MAST3: variants seen among roughly 807,000 people sequenced by gnomAD.
MAST3 encodes microtubule associated serine/threonine kinase 3.
A neutral mutation model predicts 127.0 loss-of-function variants in MAST3; 43 were observed. That is an observed-to-expected ratio of 0.34 (90% CI 0.27 to 0.44). The LOEUF (loss-of-function observed/expected upper bound fraction) is 0.44. Ranked by LOEUF, MAST3 falls within the 20% of genes least tolerant of loss-of-function variation. The pLI is 1.00. For synonymous variants in MAST3, 785 were observed against 809.2 expected (o/e 0.97, Z 0.51); for missense variants, 1,390 against 1,919.1 (o/e 0.72, Z 5.15).
Position 18,124,286 on chromosome 19 carries a change from G to A in MAST3, c.865G>A (p.Glu289Lys), listed in dbSNP as rs745753056. ...CCAGGCCCATGAGCGTTCGGACAGT[G>A]AGGAGGTCAGCTTCATCGTCCAGCT... Reference protein sequence around the residue: ...LQDAHERSDSEEVSFIVQLVR... With the variant: ...LQDAHERSDSKEVSFIVQLVR... Residue 289 changes from glutamate to lysine, a missense_variant, in exon 10 of 28, where the codon GAG becomes AAG. Coordinates refer to ENST00000687212, the MANE Select transcript of MAST3 (RefSeq NM_001393504.1). 6.2e-7 allele frequency: 1 copy of A among 1,608,790 alleles called. No individual in the cohort carries two copies. Among genetic ancestry groups the A allele is most frequent in the Non-Finnish European group, 8.5e-7 (1 of 1,177,472 alleles).
chr19:18,138,998 G>A lies in MAST3; in HGVS notation c.2096-17G>A, dbSNP rs184681009. The A allele has an allele frequency of 1.9e-5, 29 of 1,545,372 alleles. No individual in the cohort carries two copies. In the Admixed American group the frequency reaches 5.2e-4, roughly 28 times the overall value. On this transcript the variant is annotated splice_polypyrimidine_tract_variant and intron_variant, in intron 19 of 27. Coordinates refer to ENST00000687212, the MANE Select transcript of MAST3 (RefSeq NM_001393504.1). Reference sequence around the variant, plus strand: ...TCTGGGCATCAGGCGTGCTGCATGTGCCTCTCCCTCCCACAGCACGTTCGG... The same window carrying A: ...TCTGGGCATCAGGCGTGCTGCATGTACCTCTCCCTCCCACAGCACGTTCGG...
At chr19:18,103,785 G>A (rs191934213) in intron 1 of MAST3, among the ~76,000 whole-genome samples, 3 of 152,136 alleles carry the variant, frequency 2.0e-5, no homozygotes, top group Non-Finnish European at 4.4e-5. Context: ...GTGCAGGAGT[G>A]GGGGAGCCAG....
At position 18,132,051 on chromosome 19, in the gene MAST3, A is replaced by G. The variant is rs2041354384; in HGVS notation, c.1571+4A>G. 6.2e-7 allele frequency: 1 copy of G among 1,613,930 alleles called. No homozygotes were observed. The highest frequency in any genetic ancestry group is 8.5e-7 in the Non-Finnish European group (1 of 1,180,004). ...ACCGTGACCTCAAACCAGACAAGTGAGCTGAGCTAGCATGAGCGGGGCCTC... is the reference window on the plus strand; with the variant it reads ...ACCGTGACCTCAAACCAGACAAGTGGGCTGAGCTAGCATGAGCGGGGCCTC... On this transcript the variant is annotated splice_donor_region_variant and intron_variant, in intron 15 of 27. Coordinates refer to ENST00000687212, the MANE Select transcript of MAST3 (RefSeq NM_001393504.1).
At chr19:18,100,873 A>T (rs2037543509) in intron 1 of MAST3, among the ~76,000 whole-genome samples, 1 of 152,204 alleles carries the variant, frequency 6.6e-6, no homozygotes, top group Non-Finnish European at 1.5e-5. Flanking sequence ...GTCCATTCAC[A>T]AACGGGTGCT....
At position 18,110,673 on chromosome 19, in the gene MAST3, C is replaced by G. The variant is rs2038496328; in HGVS notation, c.93C>G (p.Ser31Arg). The change falls in exon 3 of 28, where the codon AGC (serine) becomes AGG (arginine). Residue 31 changes from serine (S) to arginine (R), a missense_variant. This residue lies in a region of MAST3 where 61 missense variants were observed against 78.2 expected (regional missense o/e 0.78). Coordinates refer to ENST00000687212, the MANE Select transcript of MAST3 (RefSeq NM_001393504.1). The surrounding 1 kb of genome is among the most constrained non-coding windows in gnomAD (Gnocchi z 4.3). ...GCAGTCTGTCTCCGAGCAGCCAGAG[C>G]CCGTCCCTGCTGGGTCCCAGCAGCC... is the stretch of plus-strand genomic sequence containing the variant. ...RGRGLSPSSQ[S>R]PSLLGPSSPC... 1 of 985,902 alleles carries G rather than the reference C, an allele frequency of 1.0e-6. No homozygotes were observed. Among genetic ancestry groups the G allele is most frequent in the Non-Finnish European group, 1.2e-6 (1 of 829,974 alleles). The allele number at this position is 985,902 out of a possible 1,614,324, so 61.1% of individuals were successfully genotyped here.
chr19:18,116,134 C>G (rs1240645582), intron 3 of MAST3, among the ~76,000 whole-genome samples: 1 of 109,072 alleles, frequency 9.2e-6, no homozygotes, highest in Non-Finnish European at 1.6e-5. Flanking sequence ...CGCTCTATCA[C>G]CCAGGCTGGA....
intron 1 of MAST3, among the ~76,000 whole-genome samples, chr19:18,101,252 T>C (rs1453520819): frequency 6.6e-6 from 1 of 152,194 alleles, no homozygotes; most frequent in Non-Finnish European, 1.5e-5. Context: ...ATCTGGACTT[T>C]TGTCTCTGCC....
At chr19:18,128,743 G>T in intron 12 of MAST3, 123 bp from the exon 13 acceptor site, 1 of 762,316 alleles carries the variant, frequency 1.3e-6, no homozygotes, top group African/African-American at 1.7e-5. Context: ...AGCTGAGTTG[G>T]AGAAGTTTGG....
chr19:18,113,272 C>A (rs2038855532), intron 3 of MAST3, among the ~76,000 whole-genome samples: 1 of 152,028 alleles, frequency 6.6e-6, no homozygotes, highest in African/African-American at 2.4e-5. Flanking sequence ...CAGAGTCCAG[C>A]CTCTGCAACT....
chr19:18,134,078 C>T (rs1026065846), intron 15 of MAST3, among the ~76,000 whole-genome samples: 1 of 152,016 alleles, frequency 6.6e-6, no homozygotes, highest in African/African-American at 2.4e-5. Context: ...TAGTCAGTAC[C>T]TCCTGTTTGC....
Position 18,149,719 on chromosome 19 carries a change from G to T in MAST3, c.4037G>T (p.Arg1346Ile). The change falls in exon 28 of 28, where the codon AGA becomes ATA. Residue 1346 changes from arginine (R) to isoleucine (I), a missense_variant. Arg to Ile is a moderately conservative substitution (Grantham distance 97, BLOSUM62 -3). Coordinates refer to ENST00000687212, the MANE Select transcript of MAST3 (RefSeq NM_001393504.1). The surrounding 1 kb of genome is among the most constrained non-coding windows in gnomAD (Gnocchi z 5.9). ...AVPVALGPTG[R>I]D ...CCAGTAGCTCTCGGGCCCACCGGAA[G>T]AGACTGATCCCCTGCCAGGTCTCTC... The T allele has an allele frequency of 6.2e-7, 1 of 1,612,298 alleles. No homozygotes were observed. Among genetic ancestry groups the T allele is most frequent in the Non-Finnish European group, 8.5e-7 (1 of 1,179,654 alleles).
chr19:18,130,914 G>C (rs567387851), intron 14 of MAST3, among the ~76,000 whole-genome samples: 111 of 152,334 alleles, frequency 7.3e-4, no homozygotes, highest in Middle Eastern at 3.4e-3. Flanking sequence ...GTGAGGATGG[G>C]ACCCTGGAGG....
At chr19:18,107,472 C>A in intron 1 of MAST3, 115 bp from the exon 2 acceptor site, 1 of 1,048,172 alleles carries the variant, frequency 9.5e-7, no homozygotes, top group Non-Finnish European at 1.5e-6. Context: ...GTAGAGTGAG[C>A]GGGAAAGATG....
intron 2 of MAST3, among the ~76,000 whole-genome samples, chr19:18,108,548 A>G (rs2038251188): frequency 6.6e-6 from 1 of 152,080 alleles, no homozygotes; most frequent in Non-Finnish European, 1.5e-5. Flanking sequence ...TTGTATGTTT[A>G]GTAGAGACAG....
intron 14 of MAST3, among the ~76,000 whole-genome samples, chr19:18,131,108 C>T (rs1383626285): frequency 2.0e-5 from 3 of 152,152 alleles, no homozygotes; most frequent in South Asian, 2.1e-4. Flanking sequence ...GCTGCCCTGT[C>T]GGGGAGAATC....
At chr19:18,133,548 A>G (rs1259945321) in intron 15 of MAST3, among the ~76,000 whole-genome samples, 1 of 55,870 alleles carries the variant, frequency 1.8e-5, no homozygotes, top group East Asian at 6.2e-4. Context: ...ACGCCCAGCT[A>G]ATTTTTTTTT....
chr19:18,121,192 G>A (rs987076962), intron 3 of MAST3, among the ~76,000 whole-genome samples: 2 of 152,042 alleles, frequency 1.3e-5, no homozygotes, highest in Non-Finnish European at 2.9e-5. Flanking sequence ...GCCTTGTGCT[G>A]TCACCTAGGC....
At chr19:18,113,217 T>A (rs1187576225) in intron 3 of MAST3, among the ~76,000 whole-genome samples, 1 of 151,872 alleles carries the variant, frequency 6.6e-6, no homozygotes, top group Non-Finnish European at 1.5e-5. Flanking sequence ...GGTCCCTGCC[T>A]GCCATGTTCC....
At chr19:18,147,709 G>A in intron 27 of MAST3, 85 bp downstream of exon 27, 3 of 943,896 alleles carry the variant, frequency 3.2e-6, no homozygotes, top group African/African-American at 3.3e-5. Context: ...GAGTTCAGGG[G>A]ATGGAATGAC....
Sources: allele counts gnomAD v4.1 joint callset (sites outside exome capture counted in the v4.1 genomes callset), GRCh38; gene constraint gnomAD v4.1.1; regional missense constraint gnomAD v4.1.1; non-coding constraint Gnocchi (gnomAD v3.1); transcripts MANE v1.5; gene names NCBI Gene and HGNC (gene_info 2026-07-23, HGNC 2026-07-21).